The following SLC26A5 variants were observed in gnomAD, a reference collection of about 807,000 sequenced individuals.
The protein encoded by SLC26A5 is prestin.
A neutral mutation model predicts 81.0 loss-of-function variants in SLC26A5; 51 were observed. That is an observed-to-expected ratio of 0.63 (90% CI 0.50 to 0.80). The LOEUF is 0.80. Ranked by LOEUF, SLC26A5 falls within the 30% of genes least tolerant of loss-of-function variation. SLC26A5 has a pLI of 0.00. For synonymous variants in SLC26A5, 325 were observed against 332.8 expected (o/e 0.98, Z 0.25); for missense variants, 771 against 905.8 (o/e 0.85, Z 1.91).
At chr7:103,388,193 GTTT>G (rs897201043) in intron 14 of SLC26A5, among the ~76,000 whole-genome samples, 15 of 114,924 alleles carry the variant, frequency 1.3e-4, no homozygotes, top group African/African-American at 5.3e-4. Flanking sequence ...AGCCCATAAA[GTTT>G]TTTTTTTTTT....
At chr7:103,360,156 T>A (rs1820297471) in intron 19 of SLC26A5, among the ~76,000 whole-genome samples, 1 of 152,202 alleles carries the variant, frequency 6.6e-6, no homozygotes, top group South Asian at 2.1e-4. Flanking sequence ...ACTGATTTTT[T>A]TCCCCTTATG....
At chr7:103,406,883 C>T (rs1027797114) in intron 8 of SLC26A5, among the ~76,000 whole-genome samples, 18 of 152,192 alleles carry the variant, frequency 1.2e-4, no homozygotes, top group African/African-American at 4.3e-4. Context: ...GAACTCCTGG[C>T]CTCAAGTGAT....
At chr7:103,437,801 A>G (rs962840466) in intron 2 of SLC26A5, among the ~76,000 whole-genome samples, 4 of 152,192 alleles carry the variant, frequency 2.6e-5, no homozygotes, top group Non-Finnish European at 5.9e-5. Context: ...GGAATGGGGA[A>G]TTGTTGACTG....
At chr7:103,359,316 A>T (rs1013512309) in intron 19 of SLC26A5, among the ~76,000 whole-genome samples, 1 of 151,812 alleles carries the variant, frequency 6.6e-6, no homozygotes, top group African/African-American at 2.4e-5. Flanking sequence ...AATTTTTTTA[A>T]TAACAATCTT....
intron 5 of SLC26A5, among the ~76,000 whole-genome samples, chr7:103,412,033 G>A (rs1824525423): frequency 6.6e-6 from 1 of 152,136 alleles, no homozygotes; most frequent in African/African-American, 2.4e-5. Context: ...GAGAATTCCT[G>A]GGACTGCATG....
intron 10 of SLC26A5, among the ~76,000 whole-genome samples, chr7:103,392,577 A>T (rs1290589921): frequency 2.0e-5 from 3 of 152,114 alleles, no homozygotes; most frequent in Non-Finnish European, 4.4e-5. Flanking sequence ...GACCTTGGTT[A>T]TTTATTTATT....
intron 14 of SLC26A5, among the ~76,000 whole-genome samples, chr7:103,387,239 C>T (rs77152761): frequency 0.02 from 3,017 of 152,224 alleles, 114 homozygotes; most frequent in African/African-American, 0.068. Flanking sequence ...TTTAGAATCC[C>T]ACATATTCTT....
Position 103,389,070 on chromosome 7 carries a change from C to T in SLC26A5, c.1452G>A (p.Leu484=). ...TCACAGCAGTGATCAAACCATAGTC[C>T]AATCCCAGGAACAAGGAGGACACAA... The part of the protein sequence containing the change: ...TTFVSSLFLG[L]DYGLITAVII... The change falls in exon 14 of 20, where the codon TTG becomes TTA. Residue 484 remains leucine (L), a synonymous_variant. Transcript: ENST00000306312. The T allele has an allele frequency of 1.2e-6, 2 of 1,613,800 alleles. No homozygotes were observed. Among genetic ancestry groups the T allele is most frequent in the Non-Finnish European group, 8.5e-7 (1 of 1,179,886 alleles).
intron 4 of SLC26A5, among the ~76,000 whole-genome samples, chr7:103,416,707 G>C (rs1488105428): frequency 6.6e-6 from 1 of 151,860 alleles, no homozygotes; most frequent in Non-Finnish European, 1.5e-5. Context: ...TTGTCCATCT[G>C]CTTGCCATAT....
chr7:103,400,704 T>A (rs1012543955), intron 8 of SLC26A5, among the ~76,000 whole-genome samples: 2 of 152,232 alleles, frequency 1.3e-5, no homozygotes, highest in African/African-American at 4.8e-5. Flanking sequence ...TTTTAGGCCT[T>A]AACATTTAAG....
intron 13 of SLC26A5, 25 bp from the exon 14 acceptor site, chr7:103,389,139 T>G: frequency 6.5e-7 from 1 of 1,535,086 alleles, no homozygotes; most frequent in Non-Finnish European, 9.0e-7. Flanking sequence ...GAAAACTTGA[T>G]GGAGAACCAT....
chr7:103,440,488 A>G (rs2116865863), intron 2 of SLC26A5, among the ~76,000 whole-genome samples: 1 of 152,378 alleles, frequency 6.6e-6, no homozygotes, highest in South Asian at 2.1e-4. Context: ...GTTTAGTAAT[A>G]ATTAAGTTTC....
At chr7:103,363,527 C>A in intron 19 of SLC26A5, 3 of 1,171,422 alleles carry the variant, frequency 2.6e-6, no homozygotes, top group Non-Finnish European at 2.5e-6. Context: ...TATTAGATGG[C>A]TTTTAATATT....
At chr7:103,371,937 T>C (rs1563503983), downstream of SLC26A5, among the ~76,000 whole-genome samples, 1 of 151,964 alleles carries the variant, frequency 6.6e-6, no homozygotes, top group Non-Finnish European at 1.5e-5. Context: ...CCTTGTGATC[T>C]GCCCGCCTTG....
At chr7:103,356,664 C>T (rs1268575721) in intron 19 of SLC26A5, among the ~76,000 whole-genome samples, 2 of 152,238 alleles carry the variant, frequency 1.3e-5, no homozygotes, top group African/African-American at 4.8e-5. Context: ...ATTTTAGAAA[C>T]AGTTCATATA....
chr7:103,436,862 G>C (rs1826489374), intron 2 of SLC26A5, among the ~76,000 whole-genome samples: 1 of 152,172 alleles, frequency 6.6e-6, no homozygotes, highest in South Asian at 2.1e-4. Flanking sequence ...ATGGGGGAAA[G>C]CTCCATGATG....
intron 2 of SLC26A5, chr7:103,435,115 T>C (rs1826357176): frequency 6.6e-6 from 1 of 152,232 alleles, no homozygotes; most frequent in Non-Finnish European, 1.5e-5. Flanking sequence ...ATTAGCCTTC[T>C]AGTAAATTAT....
chr7:103,422,831 G>C (rs1187493939), intron 2 of SLC26A5, among the ~76,000 whole-genome samples: 1 of 152,148 alleles, frequency 6.6e-6, no homozygotes, highest in African/African-American at 2.4e-5. Flanking sequence ...GTTAATGGCA[G>C]AGCAGGCAGA....
chr7:103,367,825 T>C lies in SLC26A5; in HGVS notation c.2041+8983A>G, dbSNP rs1820793398. 1.2e-6 allele frequency: 2 copies of C among 1,611,786 alleles called. No individual in the cohort carries two copies. Among genetic ancestry groups the C allele is most frequent in the African/African-American group, 2.7e-5 (2 of 74,716 alleles). On this transcript the variant is annotated intron_variant, in intron 19 of 19. Coordinates refer to the SLC26A5 transcript ENST00000339444. The surrounding 1 kb of genome is among the most constrained non-coding windows in gnomAD (Gnocchi z 6.1). Reference sequence around the variant, plus strand: ...AATAGCACTGGTAAGTAGAAAGTTCTTGCTTATATTTGCTGGTCTGTCTGC... The same window carrying C: ...AATAGCACTGGTAAGTAGAAAGTTCCTGCTTATATTTGCTGGTCTGTCTGC...
Sources: gnomAD v4.1 joint callset for allele counts (sites outside exome capture counted in the v4.1 genomes callset) on GRCh38, gnomAD v4.1.1 for gene constraint, Gnocchi (gnomAD v3.1) non-coding constraint, MANE v1.5 for transcripts, NCBI Gene and HGNC (gene_info 2026-07-23, HGNC 2026-07-21) for gene names.